Variants in MCC observed in about 807,000 individuals in gnomAD.
The protein encoded by MCC is colorectal mutant cancer protein.
In MCC, 90 loss-of-function variants were observed where a neutral mutation model predicts 116.2. The observed-to-expected ratio is 0.77, with a 90% confidence interval of 0.65 to 0.92. The LOEUF (loss-of-function observed/expected upper bound fraction) is 0.92, where lower values mean the gene tolerates loss of function less well. Among genes scored for constraint, MCC ranks in the 40% least tolerant of loss-of-function variants. The pLI is 0.00. For missense variants in MCC, 1,516 were observed against 1,312.2 expected, an observed-to-expected ratio of 1.16 and a Z score of -2.40; for synonymous variants, 578 against 510.5, an observed-to-expected ratio of 1.13 and a Z score of -1.78.
At chr5:113,333,844 T>TACATATATAC (rs368087327) in intron 3 of MCC, among the ~76,000 whole-genome samples, 2 of 52,176 alleles carry the variant, frequency 3.8e-5, no homozygotes, top group Non-Finnish European at 4.8e-5. Flanking sequence ...TGTATATATG[T>TACATATATAC]ATATATGTAC....
intron 5 of MCC, among the ~76,000 whole-genome samples, chr5:113,137,201 T>C (rs1758891152): frequency 6.6e-6 from 1 of 152,112 alleles, no homozygotes; most frequent in African/African-American, 2.4e-5. Flanking sequence ...AGTGTAAGCA[T>C]GTGCAGGAGG....
intron 3 of MCC, among the ~76,000 whole-genome samples, chr5:113,228,614 G>C (rs1763832466): frequency 2.0e-5 from 3 of 152,102 alleles, no homozygotes; most frequent in Non-Finnish European, 4.4e-5. Context: ...GATCATACAG[G>C]GCCCACTTTC....
chr5:113,415,874 T>G (rs1770130216), intron 1 of MCC, among the ~76,000 whole-genome samples: 1 of 152,224 alleles, frequency 6.6e-6, no homozygotes, highest in African/African-American at 2.4e-5. Context: ...ATTTTCACCT[T>G]TTCTGCTCTG....
chr5:113,051,362 C>T (rs1752479309), intron 15 of MCC, among the ~76,000 whole-genome samples: 1 of 152,034 alleles, frequency 6.6e-6, no homozygotes, highest in African/African-American at 2.4e-5. Context: ...ATGTGCAAAA[C>T]TAGAAAATAA....
At chr5:113,469,039 C>G (rs982756683) in intron 1 of MCC, among the ~76,000 whole-genome samples, 63 of 152,230 alleles carry the variant, frequency 4.1e-4, no homozygotes, top group African/African-American at 1.5e-3. Flanking sequence ...TCCCCTTTAA[C>G]ATTTTTTATT....
At position 113,109,130 on chromosome 5, in the gene MCC, A is replaced by G. The variant is rs994473634; in HGVS notation, c.1028-4775T>C. On this transcript the variant is annotated intron_variant, in intron 6 of 18. Coordinates refer to ENST00000408903, the MANE Select transcript of MCC (RefSeq NM_001085377.2). ...GCATAAGGTGCCACAGTAGGTCCTA[A>G]GTATAGGAGTAGAGTTGCTGGATCA... Among the ~76,000 whole-genome samples, 3 of 152,294 alleles carry G rather than the reference A, an allele frequency of 2.0e-5. No individual in the cohort carries two copies. The South Asian group carries it at 6.2e-4, about 32-fold the overall frequency.
intron 3 of MCC, among the ~76,000 whole-genome samples, chr5:113,262,452 T>C (rs1765252632): frequency 1.3e-5 from 2 of 152,178 alleles, no homozygotes; most frequent in African/African-American, 4.8e-5. Flanking sequence ...CCACCTTTTA[T>C]GCCTTTGTCT....
At chr5:113,414,470 T>C (rs530083031) in intron 1 of MCC, among the ~76,000 whole-genome samples, 1 of 152,356 alleles carries the variant, frequency 6.6e-6, no homozygotes, top group South Asian at 2.1e-4. Context: ...AGTGCATATA[T>C]ATTTAGGACA....
chr5:113,132,948 C>T (rs13186032), intron 5 of MCC, among the ~76,000 whole-genome samples: 105,571 of 152,012 alleles, frequency 0.69, 36,893 homozygotes, highest in East Asian at 0.88. Flanking sequence ...TGGAGAACTC[C>T]CTAAGATTTC....
At chr5:113,099,180 T>A (rs1378241246) in intron 8 of MCC, among the ~76,000 whole-genome samples, 1 of 152,212 alleles carries the variant, frequency 6.6e-6, no homozygotes, top group Admixed American at 6.5e-5. Context: ...GTATATAAAT[T>A]CCTGAGAATA....
At chr5:113,228,235 G>C (rs376516385) in intron 3 of MCC, among the ~76,000 whole-genome samples, 5 of 152,280 alleles carry the variant, frequency 3.3e-5, no homozygotes, top group African/African-American at 1.2e-4. Context: ...TAATGTAATG[G>C]TGTTGAGTGG....
At chr5:113,236,443 T>C (rs938356228) in intron 3 of MCC, among the ~76,000 whole-genome samples, 1 of 152,186 alleles carries the variant, frequency 6.6e-6, no homozygotes, top group African/African-American at 2.4e-5. Flanking sequence ...CTCAGTTGTA[T>C]TACTTACTAG....
chr5:113,250,238 G>C (rs1764745147), intron 3 of MCC, among the ~76,000 whole-genome samples: 1 of 152,196 alleles, frequency 6.6e-6, no homozygotes, highest in South Asian at 2.1e-4. Context: ...TTATGTCTGA[G>C]GACAGAGTCA....
At chr5:113,041,151 G>C (rs900384036) in intron 17 of MCC, among the ~76,000 whole-genome samples, 5 of 152,180 alleles carry the variant, frequency 3.3e-5, no homozygotes, top group African/African-American at 1.2e-4. Flanking sequence ...TTACAACTTG[G>C]AAGGAAAGAC....
chr5:113,389,808 T>C (rs1456766432), intron 1 of MCC, among the ~76,000 whole-genome samples: 1 of 152,142 alleles, frequency 6.6e-6, no homozygotes, highest in African/African-American at 2.4e-5. Flanking sequence ...TTGAAAATGA[T>C]CTTTCTTTTA....
At chr5:113,272,362 A>ATTT (rs1765648045) in intron 3 of MCC, among the ~76,000 whole-genome samples, 1 of 152,082 alleles carries the variant, frequency 6.6e-6, no homozygotes, top group African/African-American at 2.4e-5. Context: ...AATACTATGA[A>ATTT]TTTTTTCTTT....
intron 3 of MCC, among the ~76,000 whole-genome samples, chr5:113,169,231 T>C (rs1325931777): frequency 2.0e-5 from 3 of 152,046 alleles, no homozygotes; most frequent in African/African-American, 7.2e-5. Flanking sequence ...GGAAATAGAA[T>C]GGATAGGCTG....
chr5:113,456,360 A>C (rs1348832184), intron 1 of MCC, among the ~76,000 whole-genome samples: 1 of 152,232 alleles, frequency 6.6e-6, no homozygotes, highest in East Asian at 1.9e-4. Flanking sequence ...GAAGTGTTTC[A>C]GACTTTGAAC....
chr5:113,252,865 A>G (rs1008131548), intron 3 of MCC, among the ~76,000 whole-genome samples: 6 of 152,236 alleles, frequency 3.9e-5, no homozygotes, highest in Non-Finnish European at 5.9e-5. Flanking sequence ...TCTTAAATGT[A>G]TATGTCATAA....
Sources: gnomAD v4.1 joint callset for allele counts (sites outside exome capture counted in the v4.1 genomes callset) on GRCh38, gnomAD v4.1.1 for gene constraint, MANE v1.5 for transcripts, NCBI Gene and HGNC (gene_info 2026-07-23, HGNC 2026-07-21) for gene names.